Variants in TAS1R1 observed in about 807,000 individuals in gnomAD.
TAS1R1 encodes the protein taste 1 receptor member 1, also known as taste receptor type 1 member 1.
TAS1R1 carries 31 observed loss-of-function variants against 45.8 expected under a neutral mutation model. That is an observed-to-expected ratio of 0.68 (90% CI 0.51 to 0.91). The LOEUF is 0.91. TAS1R1 is among the 40% of genes least tolerant of loss of function. The pLI is 0.00. For missense variants in TAS1R1, 1,051 were observed against 1,063.9 expected (o/e 0.99, Z 0.17); for synonymous variants, 437 against 448.4 (o/e 0.97, Z 0.32).
At chr1:6,576,845 G>A in intron 4 of TAS1R1, 105 bp from the exon 5 acceptor site, 1 of 1,566,032 alleles carries the variant, frequency 6.4e-7, no homozygotes, top group Non-Finnish European at 8.7e-7. Context: ...CCCTGCCCTG[G>A]GAGTGAGCCC....
rs1189757831 is a variant in TAS1R1 at position 6,579,104 on chromosome 1, T to G, written c.2046T>G (p.Phe682Leu). Residue 682 changes from phenylalanine to leucine, a missense_variant, in exon 6 of 6, where the codon TTT becomes TTG. Phe to Leu is a conservative substitution (Grantham distance 22). Coordinates refer to ENST00000333172, the MANE Select transcript of TAS1R1 (RefSeq NM_138697.4). ...AWVQNHGAGLFVMISSAAQLL... is the reference protein window; with the variant it reads ...AWVQNHGAGLLVMISSAAQLL... The stretch of plus-strand genomic sequence containing the variant: ...TCCAAAACCACGGTGCTGGCCTGTT[T>G]GTGATGATCAGCTCAGCGGCCCAGC... The G allele has an allele frequency of 1.2e-6, 2 of 1,612,494 alleles. No individual in the cohort carries two copies. The highest frequency in any genetic ancestry group is 2.2e-5 in the East Asian group (1 of 44,884).
chr1:6,574,539 C>A lies in TAS1R1; in HGVS notation c.499-92C>A, dbSNP rs1640104746. The A allele has an allele frequency of 2.7e-6, 4 of 1,468,240 alleles. No homozygotes were observed. Among genetic ancestry groups the A allele is most frequent in the Admixed American group, 4.7e-5 (2 of 42,908 alleles). 91.0% of individuals were successfully genotyped at this position (1,468,240 alleles called of 1,614,324 possible). ...GGCTGAGGGGTGCTCTCCTGGTCTCCCCGGCTCCCTGTATCCCCACACCCA... is the reference window on the plus strand; with the variant it reads ...GGCTGAGGGGTGCTCTCCTGGTCTCACCGGCTCCCTGTATCCCCACACCCA... On this transcript the variant is annotated intron_variant, in intron 2 of 5. Coordinates refer to ENST00000333172, the MANE Select transcript of TAS1R1 (RefSeq NM_138697.4). The surrounding 1 kb of genome is among the most constrained non-coding windows in gnomAD (Gnocchi z 4.3).
chr1:6,575,896 A>G (rs1033516164), intron 3 of TAS1R1, among the ~76,000 whole-genome samples: 1 of 151,958 alleles, frequency 6.6e-6, no homozygotes, highest in African/African-American at 2.4e-5. Context: ...GGGTTTCACC[A>G]TGTTAGCCAG....
At chr1:6,556,793 G>A (rs1639694385) in intron 1 of TAS1R1, among the ~76,000 whole-genome samples, 1 of 151,744 alleles carries the variant, frequency 6.6e-6, no homozygotes, top group Admixed American at 6.6e-5. Context: ...GGCGGATCAC[G>A]AGGTCAGGAG....
At position 6,576,956 on chromosome 1, in the gene TAS1R1, A is replaced by C. The variant is rs549409170; in HGVS notation, c.1480A>C (p.Lys494Gln). Residue 494 changes from lysine to glutamine, a missense_variant, in exon 5 of 6, where the codon AAG (lysine) becomes CAG (glutamine). Transcript: ENST00000333172. ...CCCCTCTGGCTTCTTACAGGTGCCTAAGTCTGTGTGTTCCAGCGACTGTCT... is the reference window on the plus strand; with the variant it reads ...CCCCTCTGGCTTCTTACAGGTGCCTCAGTCTGTGTGTTCCAGCGACTGTCT... Reference protein sequence around the residue: ...QWHGKDNQVPKSVCSSDCLEG... With the variant: ...QWHGKDNQVPQSVCSSDCLEG... 71 of 1,614,214 alleles carry C rather than the reference A, an allele frequency of 4.4e-5. 2 individuals carry two copies. In the South Asian group the frequency reaches 7.5e-4, roughly 17 times the overall value.
chr1:6,571,161 C>G lies in TAS1R1; in HGVS notation c.444C>G (p.Ser148Arg). 1 of 1,604,604 alleles carries G rather than the reference C, an allele frequency of 6.2e-7. No individual in the cohort carries two copies. The highest frequency in any genetic ancestry group is 8.5e-7 in the Non-Finnish European group (1 of 1,174,652). Residue 148 changes from serine to arginine, a missense_variant, in exon 2 of 6, where the codon AGC (serine) becomes AGG (arginine). Physicochemically the swap from Ser to Arg is moderately radical, Grantham distance 110. Coordinates refer to ENST00000333172, the MANE Select transcript of TAS1R1 (RefSeq NM_138697.4). ...TGCTGGCAGTGATTGGGCCTGACAG[C>G]ACCAACCGTGCTGCCACCACAGCCG... is the stretch of plus-strand genomic sequence containing the variant. ...PTVLAVIGPD[S>R]TNRAATTAAL... is the part of the protein sequence containing the mutation.
intron 1 of TAS1R1, among the ~76,000 whole-genome samples, chr1:6,563,908 G>A (rs774022257): frequency 2.0e-5 from 3 of 152,146 alleles, no homozygotes; most frequent in Admixed American, 6.5e-5. Flanking sequence ...CTTGGCAAAC[G>A]GAGAGGATGA....
intron 5 of TAS1R1, 40 bp downstream of exon 5, chr1:6,577,110 CG>C: frequency 1.2e-6 from 2 of 1,613,026 alleles, no homozygotes; most frequent in Admixed American, 1.7e-5. Context: ...CCAGCACTCC[CG>C]GGGGCTGCAC....
At chr1:6,570,571 C>T in intron 1 of TAS1R1, among the ~76,000 whole-genome samples, 1 of 152,138 alleles carries the variant, frequency 6.6e-6, no homozygotes, top group East Asian at 1.9e-4. Flanking sequence ...AGCCTGCTGG[C>T]CTGTCCTGTA....
intron 3 of TAS1R1, among the ~76,000 whole-genome samples, chr1:6,575,691 C>CTTTTTT (rs200684783): frequency 1.2e-5 from 1 of 83,900 alleles, no homozygotes; most frequent in Non-Finnish European, 2.4e-5. Flanking sequence ...GATAATTTTT[C>CTTTTTT]TTTTCTTTTT....
Position 6,579,441 on chromosome 1 carries a change from G to A in TAS1R1, c.2383G>A (p.Ala795Thr). 1.2e-6 allele frequency: 2 copies of A among 1,614,014 alleles called. No homozygotes were observed. The highest frequency in any genetic ancestry group is 1.7e-6 in the Non-Finnish European group (2 of 1,180,026). Residue 795 changes from alanine (A) to threonine (T), a missense_variant, in exon 6 of 6, where the codon GCT becomes ACT. Transcript: ENST00000333172. ...GKYLPAANMMAGLSSLSSGFG... is the reference protein window; with the variant it reads ...GKYLPAANMMTGLSSLSSGFG... The stretch of plus-strand genomic sequence containing the variant: ...GTACCTGCCTGCGGCCAACATGATG[G>A]CTGGGCTGAGCAGCCTGAGCAGCGG...
At chr1:6,570,197 A>G (rs1639975042) in intron 1 of TAS1R1, among the ~76,000 whole-genome samples, 1 of 152,112 alleles carries the variant, frequency 6.6e-6, no homozygotes, top group South Asian at 2.1e-4. Flanking sequence ...CAGCAATCAG[A>G]GGAGGCAGCA....
In TAS1R1 at chr1:6,575,691, C is replaced by CTTTTTTT. The variant is rs200684783; in HGVS notation, c.1260+303_1260+304insTTTTTTT. ...CCACCACCATGCCTGGATAATTTTTCTTTTCTTTTTTTTTTTTTTGAGATA... is the reference window on the plus strand; with the variant it reads ...CCACCACCATGCCTGGATAATTTTTCTTTTTTTTTTTCTTTTTTTTTTTTTTGAGATA... On this transcript the variant is annotated intron_variant, in intron 3 of 5. Coordinates refer to ENST00000333172, the MANE Select transcript of TAS1R1 (RefSeq NM_138697.4). Among the ~76,000 whole-genome samples the CTTTTTTT allele has an allele frequency of 3.6e-5, 3 of 83,904 alleles. 1 individual carries two copies. Among genetic ancestry groups the CTTTTTTT allele is most frequent in the South Asian group, 1.4e-3 (2 of 1,480 alleles). The allele number at this position is 83,904 out of a possible 152,430, so 55.0% of individuals were successfully genotyped here.
At chr1:6,564,924 G>A (rs577946035) in intron 1 of TAS1R1, among the ~76,000 whole-genome samples, 16 of 152,078 alleles carry the variant, frequency 1.1e-4, no homozygotes, top group South Asian at 4.2e-4. Context: ...GATGGGGGGA[G>A]CGGAGCGCCG....
chr1:6,573,958 C>T (rs944770718), intron 2 of TAS1R1, among the ~76,000 whole-genome samples: 3 of 152,020 alleles, frequency 2.0e-5, no homozygotes, highest in Non-Finnish European at 2.9e-5. Flanking sequence ...CCACTGCACC[C>T]GGCCATAATG....
Position 6,556,634 on chromosome 1 carries a change from T to C in TAS1R1, c.191+1070T>C, listed in dbSNP as rs1329633983. Among the ~76,000 whole-genome samples, 6 of 151,436 alleles carry C rather than the reference T, an allele frequency of 4.0e-5. No individual in the cohort carries two copies. In the South Asian group the frequency reaches 8.4e-4, roughly 21 times the overall value. ...TCAGGCTGGTCTCGAACTCCCGACC[T>C]CAGGTGATCCGCCCACCTCGGCCTC... On this transcript the variant is annotated intron_variant, in intron 1 of 5. Coordinates refer to ENST00000333172, the MANE Select transcript of TAS1R1 (RefSeq NM_138697.4).
In TAS1R1 at chr1:6,555,318, A is replaced by G. The variant is rs1639652627; in HGVS notation, c.-56A>G. The G allele has an allele frequency of 2.7e-6, 4 of 1,472,908 alleles. No individual in the cohort carries two copies. Among genetic ancestry groups the G allele is most frequent in the East Asian group, 2.4e-5 (1 of 40,830 alleles). 91.2% of individuals were successfully genotyped at this position (1,472,908 alleles called of 1,614,324 possible). A position where few individuals can be genotyped will look rare whatever the true frequency, so the allele number is the denominator to read the frequency against. ...CCGGCAGCTGCCTTCTATTTAAGCA[A>G]CTGGCCTCCTTAGAGGCCACTCCTT... On this transcript the variant is annotated 5_prime_UTR_variant, in exon 1 of 6. Transcript: ENST00000333172.
chr1:6,579,400 G>A lies in TAS1R1; in HGVS notation c.2342G>A (p.Ser781Asn), dbSNP rs370134113. The change falls in exon 6 of 6, where the codon AGC becomes AAC. Residue 781 changes from serine to asparagine, a missense_variant. By Grantham distance (46) the Ser-to-Asn change is conservative. Transcript: ENST00000333172. ...VSWIAFFTTA[S>N]VYDGKYLPAA... is the part of the protein sequence containing the mutation. ...TGGATCGCCTTCTTCACCACGGCCA[G>A]CGTCTACGACGGCAAGTACCTGCCT... 6.2e-7 allele frequency: 1 copy of A among 1,613,914 alleles called. No individual in the cohort carries two copies. The highest frequency in any genetic ancestry group is 2.2e-5 in the East Asian group (1 of 44,890).
Position 6,574,651 on chromosome 1 carries a change from C to G in TAS1R1, c.519C>G (p.Ser173Arg). The G allele has an allele frequency of 1.2e-6, 2 of 1,607,294 alleles. No homozygotes were observed. Among genetic ancestry groups the G allele is most frequent in the African/African-American group, 2.7e-5 (2 of 74,964 alleles). ...CATAGATTAGCTATGCGGCCAGCAGCGAGACGCTCAGCGTGAAGCGGCAGT... is the reference window on the plus strand; with the variant it reads ...CATAGATTAGCTATGCGGCCAGCAGGGAGACGCTCAGCGTGAAGCGGCAGT... ...LVPMISYAAS[S>R]ETLSVKRQYP... The change falls in exon 3 of 6, where the codon AGC becomes AGG. Residue 173 changes from serine (S) to arginine (R), a missense_variant. By Grantham distance (110) the Ser-to-Arg change is moderately radical. Transcript: ENST00000333172. This position sits in a 1 kb window ranked among gnomAD's most constrained non-coding sequence, Gnocchi z 4.3.
Sources: allele counts gnomAD v4.1 joint callset (sites outside exome capture counted in the v4.1 genomes callset), GRCh38; gene constraint gnomAD v4.1.1; non-coding constraint Gnocchi (gnomAD v3.1); transcripts MANE v1.5; gene names NCBI Gene and HGNC (gene_info 2026-07-23, HGNC 2026-07-21).